DNAJC1: variants seen among roughly 807,000 people sequenced by gnomAD.
The protein encoded by DNAJC1 is dnaJ homolog subfamily C member 1.
In DNAJC1, 58 loss-of-function variants were observed where a neutral mutation model predicts 76.6. The observed-to-expected ratio is 0.76, with a 90% CI of 0.61 to 0.94. The LOEUF is 0.94. Among genes scored for constraint, DNAJC1 ranks in the 40% least tolerant of loss-of-function variants. The probability of loss-of-function intolerance (pLI) is 0.00; values close to 1 mark genes in which losing one functional copy is unlikely to be tolerated. For synonymous variants in DNAJC1, 258 were observed against 267.9 expected, an observed-to-expected ratio of 0.96 and a Z score of 0.36; for missense variants, 689 against 677.3, an observed-to-expected ratio of 1.02 and a Z score of -0.19.
intron 8 of DNAJC1, among the ~76,000 whole-genome samples, chr10:21,825,772 A>T (rs1211567764): frequency 2.0e-5 from 3 of 152,146 alleles, no homozygotes; most frequent in Non-Finnish European, 4.4e-5. Flanking sequence ...TTCCCCAATG[A>T]TTGGTGATGT....
intron 1 of DNAJC1, among the ~76,000 whole-genome samples, chr10:21,943,798 G>A (rs187335250): frequency 6.6e-6 from 1 of 152,038 alleles, no homozygotes; most frequent in East Asian, 1.9e-4. Context: ...TTGCTAAACT[G>A]CCTAGTCCAA....
At chr10:21,949,485 C>T (rs976502987) in intron 1 of DNAJC1, among the ~76,000 whole-genome samples, 20 of 134,034 alleles carry the variant, frequency 1.5e-4, no homozygotes, top group African/African-American at 5.4e-4. Flanking sequence ...GGTGTGATCT[C>T]GGCTCACTGC....
At chr10:21,924,149 T>C (rs935930572) in intron 3 of DNAJC1, among the ~76,000 whole-genome samples, 5 of 152,010 alleles carry the variant, frequency 3.3e-5, no homozygotes, top group African/African-American at 9.7e-5. Flanking sequence ...GAAAAAAATA[T>C]ATATATGCCA....
chr10:21,802,636 C>A (rs920318085), intron 9 of DNAJC1, among the ~76,000 whole-genome samples: 3 of 152,222 alleles, frequency 2.0e-5, no homozygotes, highest in African/African-American at 7.2e-5. Context: ...TTGCTGCCTA[C>A]CTGGGCCTTT....
intron 7 of DNAJC1, among the ~76,000 whole-genome samples, chr10:21,899,905 C>G: frequency 6.6e-6 from 1 of 152,148 alleles, no homozygotes; most frequent in East Asian, 1.9e-4. Flanking sequence ...GAGATCAGAG[C>G]TGGAAACTTT....
chr10:21,991,601 T>C (rs1453963418), intron 1 of DNAJC1, among the ~76,000 whole-genome samples: 6 of 152,068 alleles, frequency 3.9e-5, no homozygotes, highest in Non-Finnish European at 2.9e-5. Flanking sequence ...CCTAACAAAA[T>C]GGAAACAATA....
intron 1 of DNAJC1, among the ~76,000 whole-genome samples, chr10:21,962,377 T>G (rs920283321): frequency 6.6e-6 from 1 of 150,506 alleles, no homozygotes; most frequent in Non-Finnish European, 1.5e-5. Flanking sequence ...TTCTTCAAAA[T>G]TGGAGATGGC....
intron 3 of DNAJC1, among the ~76,000 whole-genome samples, chr10:21,925,797 C>T (rs1047488611): frequency 8.5e-5 from 13 of 152,148 alleles, no homozygotes; most frequent in East Asian, 1.9e-4. Context: ...TGAGGAACTA[C>T]GGCAAATGGG....
intron 1 of DNAJC1, among the ~76,000 whole-genome samples, chr10:21,943,269 AT>A (rs1837449736): frequency 6.6e-6 from 1 of 152,232 alleles, no homozygotes; most frequent in Admixed American, 6.5e-5. Flanking sequence ...GTAAACATTA[AT>A]GCAGAAATTA....
chr10:21,938,937 C>A (rs894699579), intron 1 of DNAJC1, among the ~76,000 whole-genome samples: 2 of 152,206 alleles, frequency 1.3e-5, no homozygotes, highest in Admixed American at 1.3e-4. Flanking sequence ...TGTGGCCAGG[C>A]TGGAGTGCAG....
At chr10:21,902,860 T>C (rs576631765) in intron 7 of DNAJC1, among the ~76,000 whole-genome samples, 1 of 152,338 alleles carries the variant, frequency 6.6e-6, no homozygotes, top group East Asian at 1.9e-4. Flanking sequence ...GCTGTGTCCA[T>C]GAGAGCAATC....
chr10:21,764,213 G>T (rs937948330), intron 10 of DNAJC1, among the ~76,000 whole-genome samples: 6 of 152,174 alleles, frequency 3.9e-5, no homozygotes, highest in Non-Finnish European at 8.8e-5. Flanking sequence ...TTAAGAAGAT[G>T]ATACAGACAT....
chr10:21,788,556 T>A (rs546475825), intron 9 of DNAJC1, among the ~76,000 whole-genome samples: 1 of 152,266 alleles, frequency 6.6e-6, no homozygotes, highest in Admixed American at 6.5e-5. Context: ...TGTGGAGTAG[T>A]GTTATCACTC....
At chr10:21,959,829 A>G (rs181223408) in intron 1 of DNAJC1, among the ~76,000 whole-genome samples, 1 of 151,308 alleles carries the variant, frequency 6.6e-6, no homozygotes, top group East Asian at 1.9e-4. Context: ...AGAGAAATCC[A>G]TTTTATACAG....
At chr10:21,837,244 G>A (rs901226318) in intron 8 of DNAJC1, among the ~76,000 whole-genome samples, 9 of 152,274 alleles carry the variant, frequency 5.9e-5, no homozygotes, top group East Asian at 1.9e-4. Context: ...GTGCAGTGGC[G>A]TGATCTCGGC....
At chr10:21,773,228 G>T (rs1292891201) in intron 9 of DNAJC1, among the ~76,000 whole-genome samples, 1 of 152,176 alleles carries the variant, frequency 6.6e-6, no homozygotes, top group Admixed American at 6.5e-5. Flanking sequence ...AAAGGTTAAT[G>T]ATTTGAGATC....
chr10:21,837,762 C>G (rs1839989049), intron 8 of DNAJC1, among the ~76,000 whole-genome samples: 1 of 150,952 alleles, frequency 6.6e-6, no homozygotes, highest in Admixed American at 6.6e-5. Context: ...CGGCAGCCGC[C>G]TGGTCCAGGA....
At chr10:21,794,292 G>C (rs1473498298) in intron 9 of DNAJC1, among the ~76,000 whole-genome samples, 1 of 144,320 alleles carries the variant, frequency 6.9e-6, no homozygotes, top group Non-Finnish European at 1.5e-5. Flanking sequence ...AAAAGAGAGA[G>C]AGAGAGAGAA....
At chr10:21,832,926 C>T (rs532207504) in intron 8 of DNAJC1, among the ~76,000 whole-genome samples, 1 of 152,270 alleles carries the variant, frequency 6.6e-6, no homozygotes, top group East Asian at 1.9e-4. Context: ...CTAAATTACT[C>T]ACTGTTCCTG....
Sources: gnomAD v4.1 joint callset for allele counts (sites outside exome capture counted in the v4.1 genomes callset) on GRCh38, gnomAD v4.1.1 for gene constraint, MANE v1.5 for transcripts, NCBI Gene and HGNC (gene_info 2026-07-23, HGNC 2026-07-21) for gene names.